The following AMOTL1 variants were observed in gnomAD, a reference collection of about 807,000 sequenced individuals.
AMOTL1 encodes angiomotin like 1, also known as angiomotin-like protein 1.
AMOTL1 carries 45 observed loss-of-function variants against 102.9 expected under a neutral mutation model. That is an observed-to-expected ratio of 0.44 (90% confidence interval 0.34 to 0.56). AMOTL1 has a LOEUF of 0.56. Among genes scored for constraint, AMOTL1 ranks in the 20% least tolerant of loss-of-function variants. The pLI is 0.01. For missense variants in AMOTL1, 1,114 were observed against 1,225.6 expected (o/e 0.91, Z 1.36); for synonymous variants, 481 against 484.7 (o/e 0.99, Z 0.10).
At chr11:94,711,465 TTG>T (rs150351671) in intron 1 of AMOTL1, among the ~76,000 whole-genome samples, 7 of 151,646 alleles carry the variant, frequency 4.6e-5, no homozygotes, top group East Asian at 3.9e-4. Flanking sequence ...CATGTACTCA[TTG>T]TGTGTGTGTG....
intron 1 of AMOTL1, among the ~76,000 whole-genome samples, chr11:94,719,882 G>A (rs1374123019): frequency 6.6e-6 from 1 of 152,038 alleles, no homozygotes; most frequent in African/African-American, 2.4e-5. Flanking sequence ...GAATTACTTC[G>A]GAGATTTTTA....
intron 8 of AMOTL1, 124 bp downstream of exon 8, chr11:94,854,206 C>T: frequency 7.9e-7 from 1 of 1,267,916 alleles, no homozygotes; most frequent in Non-Finnish European, 1.0e-6. Flanking sequence ...CAAGAACTCC[C>T]TGTCCTCAGT....
chr11:94,864,769 A>G lies in AMOTL1; in HGVS notation c.2170A>G (p.Ser724Gly). 1.2e-6 allele frequency: 2 copies of G among 1,613,756 alleles called. No individual in the cohort carries two copies. Among genetic ancestry groups the G allele is most frequent in the Admixed American group, 3.3e-5 (2 of 60,020 alleles). The stretch of plus-strand genomic sequence containing the variant: ...GATCATCAACCACTCACGGAATGGC[A>G]GCTACGGAGAGAGCTCGCTGGAGGC... ...TTIINHSRNGSYGESSLEAHI... is the reference protein window; with the variant it reads ...TTIINHSRNGGYGESSLEAHI... Residue 724 changes from serine (S) to glycine (G), a missense_variant, in exon 10 of 13, where the codon AGC (serine) becomes GGC (glycine). Ser to Gly is a moderately conservative substitution (Grantham distance 56, BLOSUM62 0). Coordinates refer to ENST00000433060, the MANE Select transcript of AMOTL1 (RefSeq NM_130847.3).
At chr11:94,807,482 A>T (rs550129561) in intron 3 of AMOTL1, among the ~76,000 whole-genome samples, 1 of 152,308 alleles carries the variant, frequency 6.6e-6, no homozygotes, top group East Asian at 1.9e-4. Flanking sequence ...TTTAGATAAT[A>T]AAATTTTTTT....
chr11:94,720,626 CTT>C (rs1185402718), intron 1 of AMOTL1, among the ~76,000 whole-genome samples: 2 of 152,172 alleles, frequency 1.3e-5, no homozygotes, highest in East Asian at 1.9e-4. Flanking sequence ...TCTCTCTTTC[CTT>C]CTCTCTTTTC....
intron 3 of AMOTL1, among the ~76,000 whole-genome samples, chr11:94,818,131 G>A (rs995955275): frequency 6.6e-6 from 1 of 152,186 alleles, no homozygotes; most frequent in East Asian, 1.9e-4. Flanking sequence ...CACAATTGGA[G>A]ACACTGGTTA....
chr11:94,782,532 A>C (rs1426278686), intron 1 of AMOTL1, among the ~76,000 whole-genome samples: 1 of 152,232 alleles, frequency 6.6e-6, no homozygotes, highest in Non-Finnish European at 1.5e-5. Context: ...TATGTAAAAA[A>C]TAACAACTCC....
At position 94,874,824 on chromosome 11, in the gene AMOTL1, G is replaced by A. The variant is rs1230551268; in HGVS notation, c.*4029G>A. 6.6e-6 allele frequency: 1 copy of A among 152,216 alleles called. No individual in the cohort carries two copies. Among genetic ancestry groups the A allele is most frequent in the African/African-American group, 2.4e-5 (1 of 41,446 alleles). The allele number at this position is 152,216 out of a possible 1,614,324, so 9.4% of individuals were successfully genotyped here. On this transcript the variant is annotated 3_prime_UTR_variant, in exon 13 of 13. Transcript: ENST00000433060. ...TGGGGCATTAAAAGCTTTTGAGGCA[G>A]GGGGCTCATGTTTTGACTGCAGGGA...
At position 94,854,050 on chromosome 11, in the gene AMOTL1, G is replaced by A. The variant is rs1952606537; in HGVS notation, c.1912G>A (p.Glu638Lys). Residue 638 changes from glutamate to lysine, a missense_variant, in exon 8 of 13, where the codon GAG (glutamate) becomes AAG (lysine). Coordinates refer to ENST00000433060, the MANE Select transcript of AMOTL1 (RefSeq NM_130847.3). Reference protein sequence around the residue: ...QMERRLRTWLERELDALRTQQ... With the variant: ...QMERRLRTWLKRELDALRTQQ... ...GGAGCGGAGACTGCGGACTTGGCTG[G>A]AGAGAGAGCTGGATGCACTGAGAAC... 4 of 1,556,062 alleles carry A rather than the reference G, an allele frequency of 2.6e-6. No individual in the cohort carries two copies. The Admixed American group carries it at 7.8e-5, about 30-fold the overall frequency.
chr11:94,773,299 C>T (rs1231724772), intron 1 of AMOTL1, among the ~76,000 whole-genome samples: 5 of 152,342 alleles, frequency 3.3e-5, no homozygotes, highest in Admixed American at 6.5e-5. Flanking sequence ...TGCCTAGACC[C>T]ATGTCTCAGA....
chr11:94,801,127 A>G (rs1265905679), intron 3 of AMOTL1, among the ~76,000 whole-genome samples: 1 of 152,180 alleles, frequency 6.6e-6, no homozygotes, highest in African/African-American at 2.4e-5. Context: ...GGATAGTATA[A>G]CTCACAACTG....
chr11:94,707,102 A>C (rs1418074374), intron 1 of AMOTL1, among the ~76,000 whole-genome samples: 1 of 152,128 alleles, frequency 6.6e-6, no homozygotes, highest in Admixed American at 6.5e-5. Context: ...GCCTGTTCTG[A>C]CATGCAGGTA....
chr11:94,818,029 C>T (rs1251929861), intron 3 of AMOTL1, among the ~76,000 whole-genome samples: 2 of 152,162 alleles, frequency 1.3e-5, no homozygotes, highest in Non-Finnish European at 2.9e-5. Context: ...CTGATTTCTC[C>T]AGAATTTGAA....
intron 1 of AMOTL1, among the ~76,000 whole-genome samples, chr11:94,793,550 T>A (rs1172691947): frequency 6.6e-6 from 1 of 152,244 alleles, no homozygotes; most frequent in Non-Finnish European, 1.5e-5. Context: ...CCTTTTTCAT[T>A]TTCCACTGTT....
intron 4 of AMOTL1, among the ~76,000 whole-genome samples, chr11:94,826,817 A>C (rs1951974677): frequency 6.6e-6 from 1 of 152,198 alleles, no homozygotes; most frequent in African/African-American, 2.4e-5. Context: ...GAAGGGGATT[A>C]GTCTTTCTCT....
In AMOTL1 at chr11:94,723,688, TA is replaced by T. The variant is rs568706259; in HGVS notation, c.-50-5230del. 5.8e-3 allele frequency among the ~76,000 whole-genome samples: 882 copies of T among 152,250 alleles called. 6 individuals are homozygous for T. The highest frequency in any genetic ancestry group is 0.01 in the Middle Eastern group (3 of 294). ...GCCTAGAATAAGTATCTCAACTCTC[TA>T]AACATCAGCCATTTTAGACAGAGGA... On this transcript the variant is annotated intron_variant, in intron 1 of 4. Coordinates refer to the AMOTL1 transcript ENST00000299004.
intron 8 of AMOTL1, among the ~76,000 whole-genome samples, chr11:94,855,158 G>T (rs940789574): frequency 6.6e-6 from 1 of 152,202 alleles, no homozygotes; most frequent in African/African-American, 2.4e-5. Flanking sequence ...ACTGGATAGG[G>T]CATAGTGGTT....
intron 4 of AMOTL1, among the ~76,000 whole-genome samples, chr11:94,826,402 C>T (rs1951964208): frequency 1.3e-5 from 2 of 152,198 alleles, no homozygotes; most frequent in Admixed American, 1.3e-4. Flanking sequence ...AACCGAATAT[C>T]TGAGACTGGG....
intron 9 of AMOTL1, among the ~76,000 whole-genome samples, chr11:94,860,294 T>C (rs1426878301): frequency 6.6e-6 from 1 of 152,176 alleles, no homozygotes; most frequent in Non-Finnish European, 1.5e-5. Flanking sequence ...ATCACAATGG[T>C]AGTGAGTGAT....
Sources: allele counts gnomAD v4.1 joint callset (sites outside exome capture counted in the v4.1 genomes callset), GRCh38; gene constraint gnomAD v4.1.1; transcripts MANE v1.5; gene names NCBI Gene and HGNC (gene_info 2026-07-23, HGNC 2026-07-21).